TENM4: variants seen among roughly 807,000 people sequenced by gnomAD.
TENM4 encodes the protein teneurin-4.
TENM4 carries 82 observed loss-of-function variants against 243.3 expected under a neutral mutation model. The observed-to-expected ratio is 0.34, with a 90% CI of 0.28 to 0.40. The LOEUF (loss-of-function observed/expected upper bound fraction) is 0.40. Ranked by LOEUF, TENM4 falls within the 10% of genes least tolerant of loss-of-function variation. The pLI is 1.00. For missense variants in TENM4, 3,138 were observed against 3,673.3 expected (o/e 0.85, Z 3.77); for synonymous variants, 1,412 against 1,456.3 (o/e 0.97, Z 0.69).
chr11:78,846,659 G>C (rs1348261397), intron 12 of TENM4, among the ~76,000 whole-genome samples: 3 of 152,168 alleles, frequency 2.0e-5, no homozygotes, highest in Non-Finnish European at 4.4e-5. Context: ...TACATGGGCA[G>C]CTTCTCCTTT....
At chr11:79,349,945 C>T (rs556307638) in intron 1 of TENM4, among the ~76,000 whole-genome samples, 9 of 152,246 alleles carry the variant, frequency 5.9e-5, no homozygotes, top group Admixed American at 2.0e-4. Flanking sequence ...GAAGCCAGAC[C>T]GGAGGACGAG....
At chr11:79,248,164 A>G (rs537216568) in intron 2 of TENM4, among the ~76,000 whole-genome samples, 1 of 152,328 alleles carries the variant, frequency 6.6e-6, no homozygotes, top group South Asian at 2.1e-4. Context: ...CTCAGAATGA[A>G]GAGACTGCGA....
chr11:79,194,556 G>A (rs192676998), intron 3 of TENM4, among the ~76,000 whole-genome samples: 39 of 152,248 alleles, frequency 2.6e-4, no homozygotes, highest in Non-Finnish European at 5.9e-5. Context: ...GGTGACTGTT[G>A]TTATGTTTTG....
rs999106227 is a variant in TENM4 at position 78,701,789 on chromosome 11, G to A, written c.4824C>T (p.Tyr1608=). 2 of 1,613,910 alleles carry A rather than the reference G, an allele frequency of 1.2e-6. No individual in the cohort carries two copies. Among genetic ancestry groups the A allele is most frequent in the African/African-American group, 1.3e-5 (1 of 74,928 alleles). ...CGCCGTCCCCAGTGTAGGTGAAGTTGTACAGGTAGTCTCCTGTGGGCAGGC... is the reference window on the plus strand; with the variant it reads ...CGCCGTCCCCAGTGTAGGTGAAGTTATACAGGTAGTCTCCTGTGGGCAGGC... ...TQSLPTGDYL[Y]NFTYTGDGDI... The change falls in exon 28 of 34, where the codon TAC becomes TAT. Residue 1608 remains tyrosine (Y), a synonymous_variant. Transcript: ENST00000278550.
intron 4 of TENM4, 96 bp from the exon 5 acceptor site, chr11:79,070,105 A>C (rs1860372789): frequency 3.6e-6 from 5 of 1,399,266 alleles, no homozygotes; most frequent in Non-Finnish European, 4.7e-6. Flanking sequence ...CTGTGGACAG[A>C]GAACCCCAGG....
In TENM4 at chr11:78,805,469, A is replaced by G; in HGVS notation, c.2002T>C (p.Ser668Pro). 6.3e-7 allele frequency: 1 copy of G among 1,586,824 alleles called. No homozygotes were observed. The highest frequency in any genetic ancestry group is 1.2e-5 in the South Asian group (1 of 86,778). Reference sequence around the variant, plus strand: ...CCTCTCACGCAGACACCCCGGCCTGAACATGTGGGGTCCATGCAGTCCACT... The same window carrying G: ...CCTCTCACGCAGACACCCCGGCCTGGACATGTGGGGTCCATGCAGTCCACT... ...EEVDCMDPTCSGRGVCVRGEC... is the reference protein window; with the variant it reads ...EEVDCMDPTCPGRGVCVRGEC... The change falls in exon 15 of 34, where the codon TCA becomes CCA. Residue 668 changes from serine (S) to proline (P), a missense_variant. This residue lies in a region of TENM4 where 2,467 missense variants were observed against 3,059.1 expected (regional missense o/e 0.81). Transcript: ENST00000278550.
intron 18 of TENM4, among the ~76,000 whole-genome samples, chr11:78,767,962 C>T (rs1318526610): frequency 1.3e-5 from 2 of 152,178 alleles, no homozygotes; most frequent in African/African-American, 4.8e-5. Context: ...ATAGCATGAG[C>T]CCTACAAAGG....
chr11:79,110,395 C>T (rs995993607), intron 4 of TENM4, among the ~76,000 whole-genome samples: 2 of 152,234 alleles, frequency 1.3e-5, no homozygotes, highest in Non-Finnish European at 2.9e-5. Flanking sequence ...ATGGCACTCA[C>T]AGCACCCTGG....
chr11:79,213,972 C>T (rs1863998971), intron 3 of TENM4, among the ~76,000 whole-genome samples: 1 of 151,366 alleles, frequency 6.6e-6, no homozygotes, highest in Admixed American at 6.6e-5. Context: ...TTTACCTGTC[C>T]TTCTAAAGAA....
intron 2 of TENM4, among the ~76,000 whole-genome samples, chr11:79,239,667 C>T (rs1003760231): frequency 2.6e-4 from 39 of 152,170 alleles, no homozygotes; most frequent in Non-Finnish European, 4.3e-4. Flanking sequence ...AACTAACAGT[C>T]GTTTGCTACT....
intron 6 of TENM4, among the ~76,000 whole-genome samples, chr11:78,967,202 C>T (rs1038196015): frequency 6.6e-6 from 1 of 152,192 alleles, no homozygotes; most frequent in African/African-American, 2.4e-5. Flanking sequence ...CAACATTTCT[C>T]TCCCTGCAGT....
chr11:79,167,099 G>T (rs910427573), intron 3 of TENM4, among the ~76,000 whole-genome samples: 5 of 152,024 alleles, frequency 3.3e-5, no homozygotes, highest in African/African-American at 1.2e-4. Context: ...AGTAGTCTGG[G>T]GAGAGGCGGT....
chr11:79,091,141 G>A (rs990585837), intron 4 of TENM4, among the ~76,000 whole-genome samples: 1 of 152,144 alleles, frequency 6.6e-6, no homozygotes, highest in Non-Finnish European at 1.5e-5. Flanking sequence ...TTCACATATT[G>A]GGCTTCCATT....
At chr11:78,731,651 A>G (rs1312692346) in intron 21 of TENM4, among the ~76,000 whole-genome samples, 1 of 152,226 alleles carries the variant, frequency 6.6e-6, no homozygotes, top group Non-Finnish European at 1.5e-5. Context: ...TTCAACTGGC[A>G]GAGCTTTGTT....
rs144218673 is a variant in TENM4 at position 79,226,250 on chromosome 11, T to C, written c.-264-10341A>G. 7.1e-3 allele frequency among the ~76,000 whole-genome samples: 1,086 copies of C among 152,358 alleles called. 4 individuals carry two copies. Among genetic ancestry groups the C allele is most frequent in the Middle Eastern group, 0.014 (4 of 294 alleles). Reference sequence around the variant, plus strand: ...CCTCATCGTGTTTTATGTTATTTTCTTGGCTGTACAAACTTAGGAACCCTT... The same window carrying C: ...CCTCATCGTGTTTTATGTTATTTTCCTGGCTGTACAAACTTAGGAACCCTT... On this transcript the variant is annotated intron_variant, in intron 2 of 33. Coordinates refer to ENST00000278550, the MANE Select transcript of TENM4 (RefSeq NM_001098816.3).
At chr11:79,018,309 C>T (rs997101162) in intron 6 of TENM4, among the ~76,000 whole-genome samples, 1 of 152,170 alleles carries the variant, frequency 6.6e-6, no homozygotes, top group Non-Finnish European at 1.5e-5. Flanking sequence ...TATCTGGCTA[C>T]CCTAACCTGA....
At chr11:79,098,113 C>CA (rs1861128496) in intron 4 of TENM4, 1 of 152,196 alleles carries the variant, frequency 6.6e-6, no homozygotes, top group Admixed American at 6.5e-5. Context: ...ATTCTCAACT[C>CA]ACCAGATCAT....
chr11:79,028,675 T>C lies in TENM4; in HGVS notation c.493+36063A>G, dbSNP rs561041226. ...TCAGGGGAAGACAATTCTCAGAGAA[T>C]GAAGTAGCTGTGGGCTGTGAACTGC... is the stretch of plus-strand genomic sequence containing the variant. On this transcript the variant is annotated intron_variant, in intron 6 of 33. Coordinates refer to ENST00000278550, the MANE Select transcript of TENM4 (RefSeq NM_001098816.3). Among the ~76,000 whole-genome samples the C allele has an allele frequency of 9.2e-5, 14 of 152,286 alleles. No individual in the cohort carries two copies. In the East Asian group the frequency reaches 2.7e-3, roughly 29 times the overall value.
intron 1 of TENM4, among the ~76,000 whole-genome samples, chr11:79,302,681 C>T (rs1358307053): frequency 6.6e-6 from 1 of 152,120 alleles, no homozygotes; most frequent in African/African-American, 2.4e-5. Context: ...ACATCTCTTC[C>T]CTGTTCCCTG....
Sources: allele counts gnomAD v4.1 joint callset (sites outside exome capture counted in the v4.1 genomes callset), GRCh38; gene constraint gnomAD v4.1.1; regional missense constraint gnomAD v4.1.1; transcripts MANE v1.5; gene names NCBI Gene and HGNC (gene_info 2026-07-23, HGNC 2026-07-21).